The following PALM2AKAP2 variants were observed in gnomAD, a reference collection of about 807,000 sequenced individuals.
PALM2AKAP2 encodes the protein PALM2 and AKAP2 fusion.
Under a neutral mutation model 71.5 loss-of-function variants are expected in PALM2AKAP2, and 37 were observed. The ratio of observed to expected loss-of-function variants is 0.52; its 90% CI spans 0.40 to 0.68. The LOEUF (loss-of-function observed/expected upper bound fraction) is 0.68. Ranked by LOEUF, PALM2AKAP2 falls within the 30% of genes least tolerant of loss-of-function variation. PALM2AKAP2 has a pLI of 0.00. For synonymous variants in PALM2AKAP2, 468 were observed against 478.8 expected (o/e 0.98, Z 0.29); for missense variants, 1,224 against 1,191.8 (o/e 1.03, Z -0.40).
intron 2 of PALM2AKAP2, among the ~76,000 whole-genome samples, chr9:110,155,860 G>A (rs1423881798): frequency 6.6e-6 from 1 of 152,226 alleles, no homozygotes; most frequent in Non-Finnish European, 1.5e-5. Flanking sequence ...GGTGAGGAAA[G>A]CAGGAGGCCT....
chr9:109,702,917 C>G lies in PALM2AKAP2; in HGVS notation c.5+62051C>G, dbSNP rs903428174. Among the ~76,000 whole-genome samples the G allele has an allele frequency of 2.6e-5, 4 of 151,800 alleles. No individual in the cohort carries two copies. The South Asian group carries it at 6.2e-4, about 24-fold the overall frequency. On this transcript the variant is annotated intron_variant, in intron 1 of 6. Coordinates refer to the PALM2AKAP2 transcript ENST00000374531. Reference sequence around the variant, plus strand: ...CACGGCAACCTCCGCTTCCCAGGTTCAAGCGATTTTCCTGCCTTAGCCTCC... The same window carrying G: ...CACGGCAACCTCCGCTTCCCAGGTTGAAGCGATTTTCCTGCCTTAGCCTCC...
intron 1 of PALM2AKAP2, among the ~76,000 whole-genome samples, chr9:109,657,452 T>TTTTGTGTGTGTGTGTGTGTG (rs112474230): frequency 5.5e-4 from 81 of 147,216 alleles, no homozygotes; most frequent in African/African-American, 1.9e-3. Flanking sequence ...AATATGGTAT[T>TTTTGTGTGTGTGTGTGTGTG]TGTGTGTGTG....
chr9:109,677,991 A>C (rs1827672602), intron 1 of PALM2AKAP2, among the ~76,000 whole-genome samples: 3 of 152,242 alleles, frequency 2.0e-5, no homozygotes, highest in African/African-American at 7.2e-5. Context: ...CAGCTGTTAC[A>C]GGGAGCCTGC....
chr9:109,933,778 C>T (rs534067089), intron 6 of PALM2AKAP2, among the ~76,000 whole-genome samples: 3 of 152,308 alleles, frequency 2.0e-5, no homozygotes, highest in African/African-American at 7.2e-5. Flanking sequence ...AATGCATCTA[C>T]TGTGGGATTA....
Position 109,840,785 on chromosome 9 carries a change from C to T in PALM2AKAP2, c.46-26706C>T, listed in dbSNP as rs1375959845. Among the ~76,000 whole-genome samples the T allele has an allele frequency of 3.3e-5, 5 of 152,284 alleles. No homozygotes were observed. In the East Asian group the frequency reaches 9.6e-4, roughly 29 times the overall value. On this transcript the variant is annotated intron_variant, in intron 1 of 9. Coordinates refer to the PALM2AKAP2 transcript ENST00000302798. ...TGAAAAAATGCTCATCATCACTGGC[C>T]ATCAGAGAAATGCAGATCAAAACCA...
intron 1 of PALM2AKAP2, among the ~76,000 whole-genome samples, chr9:109,850,692 CA>C (rs1828985376): frequency 6.6e-6 from 1 of 152,110 alleles, no homozygotes; most frequent in Non-Finnish European, 1.5e-5. Context: ...GCAAAGAAAG[CA>C]AGGATTTAAC....
intron 2 of PALM2AKAP2, among the ~76,000 whole-genome samples, chr9:110,154,956 C>A (rs1836410429): frequency 6.6e-6 from 1 of 152,188 alleles, no homozygotes; most frequent in Admixed American, 6.5e-5. Flanking sequence ...TTTAAGTGAT[C>A]AGCCCACGAT....
At chr9:110,053,527 C>CAAAAAAAAA (rs56132919) in intron 1 of PALM2AKAP2, among the ~76,000 whole-genome samples, 43 of 82,832 alleles carry the variant, frequency 5.2e-4, no homozygotes, top group South Asian at 2.1e-3. Context: ...AACTCTGTCT[C>CAAAAAAAAA]AAAAAAAAAA....
At chr9:109,791,507 A>G (rs1045367353) in intron 1 of PALM2AKAP2, among the ~76,000 whole-genome samples, 1 of 151,966 alleles carries the variant, frequency 6.6e-6, no homozygotes, top group Admixed American at 6.5e-5. Flanking sequence ...CCTCTCCCCT[A>G]TAGGGAGATA....
chr9:109,967,857 T>C (rs945908610), intron 6 of PALM2AKAP2, among the ~76,000 whole-genome samples: 4 of 152,182 alleles, frequency 2.6e-5, no homozygotes, highest in Admixed American at 6.5e-5. Flanking sequence ...GTGTTTAAAT[T>C]TGTGGGTTTG....
intron 1 of PALM2AKAP2, among the ~76,000 whole-genome samples, chr9:109,682,347 ATTGCC>A (rs1302729189): frequency 5.3e-5 from 8 of 152,210 alleles, no homozygotes. Context: ...AAGGAAAAAT[ATTGCC>A]TTGTACATAA....
chr9:109,858,984 T>C (rs2131658809), intron 1 of PALM2AKAP2, among the ~76,000 whole-genome samples: 1 of 152,304 alleles, frequency 6.6e-6, no homozygotes, highest in East Asian at 1.9e-4. Context: ...CTATAAAGTA[T>C]CTATAAAGGA....
chr9:109,859,207 A>G (rs1352860363), intron 1 of PALM2AKAP2, among the ~76,000 whole-genome samples: 2 of 152,216 alleles, frequency 1.3e-5, no homozygotes. Flanking sequence ...TCTTGACCAT[A>G]TTGTTTCTAT....
chr9:110,045,604 G>A (rs1833582261), upstream of PALM2AKAP2, among the ~76,000 whole-genome samples: 1 of 151,688 alleles, frequency 6.6e-6, no homozygotes, highest in Admixed American at 6.6e-5. Flanking sequence ...GTCTCTCTCT[G>A]TCGCCCAGGC....
At chr9:109,947,409 C>T (rs768756421) in intron 6 of PALM2AKAP2, among the ~76,000 whole-genome samples, 13 of 152,258 alleles carry the variant, frequency 8.5e-5, no homozygotes, top group Middle Eastern at 3.4e-3. Context: ...TAAAAACAGA[C>T]TATTTCTCTT....
At chr9:109,945,366 A>C (rs1340874802) in intron 6 of PALM2AKAP2, 4 of 152,194 alleles carry the variant, frequency 2.6e-5, no homozygotes. Context: ...ACTGAGGGAA[A>C]TATCTCTAAA....
At chr9:110,025,557 G>A (rs1833165147) in intron 7 of PALM2AKAP2, among the ~76,000 whole-genome samples, 1 of 152,126 alleles carries the variant, frequency 6.6e-6, no homozygotes, top group Non-Finnish European at 1.5e-5. Context: ...TTGTACCTAG[G>A]AGTAGAATTG....
At chr9:109,838,933 C>T (rs1306112539) in intron 1 of PALM2AKAP2, among the ~76,000 whole-genome samples, 3 of 152,200 alleles carry the variant, frequency 2.0e-5, no homozygotes, top group Non-Finnish European at 4.4e-5. Flanking sequence ...CAGACGGATT[C>T]ACAGCCAAAT....
intron 6 of PALM2AKAP2, among the ~76,000 whole-genome samples, chr9:109,973,569 G>A (rs564838306): frequency 1.3e-5 from 2 of 152,302 alleles, no homozygotes; most frequent in East Asian, 3.9e-4. Context: ...ATGGGGTAGG[G>A]GAGTATCCTC....
Sources: allele counts gnomAD v4.1 joint callset (sites outside exome capture counted in the v4.1 genomes callset), GRCh38; gene constraint gnomAD v4.1.1; transcripts MANE v1.5; gene names NCBI Gene and HGNC (gene_info 2026-07-23, HGNC 2026-07-21).